NCKAP5: variants seen among roughly 807,000 people sequenced by gnomAD.
NCKAP5 encodes NCK associated protein 5.
A neutral mutation model predicts 167.0 loss-of-function variants in NCKAP5; 92 were observed. The ratio of observed to expected loss-of-function variants is 0.55; its 90% CI spans 0.47 to 0.66. The LOEUF (loss-of-function observed/expected upper bound fraction) is 0.66, where lower values mean the gene tolerates loss of function less well. Among genes scored for constraint, NCKAP5 ranks in the 30% least tolerant of loss-of-function variants. The pLI is 0.00. For missense variants in NCKAP5, 2,378 were observed against 2,315.0 expected (o/e 1.03, Z -0.56); for synonymous variants, 891 against 877.4 (o/e 1.02, Z -0.27).
chr2:133,499,078 T>G (rs1005918988), intron 3 of NCKAP5, among the ~76,000 whole-genome samples: 5 of 152,208 alleles, frequency 3.3e-5, no homozygotes, highest in Non-Finnish European at 5.9e-5. Flanking sequence ...TATGTAATAC[T>G]GTGAAGTTAC....
the NCKAP5 span, among the ~76,000 whole-genome samples, chr2:133,623,229 A>G: frequency 6.6e-6 from 1 of 152,248 alleles, no homozygotes; most frequent in African/African-American, 2.4e-5. Flanking sequence ...ACTCTTCTAG[A>G]CATTGGCTTA....
intron 4 of NCKAP5, among the ~76,000 whole-genome samples, chr2:133,245,516 T>C (rs1033260421): frequency 2.0e-5 from 3 of 152,184 alleles, no homozygotes; most frequent in African/African-American, 7.2e-5. Context: ...GAGTGAATTC[T>C]TGGATTCTTT....
chr2:133,352,610 GAC>G (rs1363815898), intron 3 of NCKAP5, among the ~76,000 whole-genome samples: 65 of 152,212 alleles, frequency 4.3e-4, no homozygotes, highest in African/African-American at 1.5e-3. Context: ...CCTGACATTA[GAC>G]TTGCTGAGTG....
chr2:133,465,879 G>C lies in NCKAP5; in HGVS notation c.69+51579C>G, dbSNP rs1288338682. Among the ~76,000 whole-genome samples the C allele has an allele frequency of 3.6e-3, 527 of 145,524 alleles. 2 individuals are homozygous for C. The highest frequency in any genetic ancestry group is 0.011 in the African/African-American group (420 of 39,518). On this transcript the variant is annotated intron_variant, in intron 3 of 19. Coordinates refer to ENST00000409261, the MANE Select transcript of NCKAP5 (RefSeq NM_207363.3). ...TTGTTTGTTTTTTTCTTGTAAATTT[G>C]TTTGAGTTCATTGTAGATTCTGGAT...
chr2:133,255,332 T>G (rs1036003089), intron 4 of NCKAP5, among the ~76,000 whole-genome samples: 5 of 152,158 alleles, frequency 3.3e-5, no homozygotes, highest in Admixed American at 6.5e-5. Context: ...CTTTTAAAAA[T>G]GCAAAATAAA....
At chr2:132,756,056 C>T (rs57998984) in intron 16 of NCKAP5, among the ~76,000 whole-genome samples, 12,880 of 151,902 alleles carry the variant, frequency 0.085, 619 homozygotes, top group East Asian at 0.13. Flanking sequence ...CAGGAACTTG[C>T]TCAGTTCCTT....
At chr2:133,331,217 A>G (rs1464492494) in intron 3 of NCKAP5, among the ~76,000 whole-genome samples, 1 of 152,178 alleles carries the variant, frequency 6.6e-6, no homozygotes, top group African/African-American at 2.4e-5. Flanking sequence ...ATAAATATTT[A>G]TACTCCTTTT....
chr2:132,920,793 A>ATGTATGTATG (rs1558943484), intron 8 of NCKAP5, among the ~76,000 whole-genome samples: 1 of 91,230 alleles, frequency 1.1e-5, no homozygotes, highest in South Asian at 3.6e-4. Flanking sequence ...ATATATATAT[A>ATGTATGTATG]TATATATATA....
At chr2:133,062,939 C>T (rs1393370669) in intron 6 of NCKAP5, among the ~76,000 whole-genome samples, 1 of 152,272 alleles carries the variant, frequency 6.6e-6, no homozygotes, top group Non-Finnish European at 1.5e-5. Flanking sequence ...GCCTAAATTA[C>T]AGCATAAGGA....
At chr2:132,729,038 G>A (rs1226932304) in intron 17 of NCKAP5, 86 bp from the exon 18 acceptor site, 4 of 1,550,310 alleles carry the variant, frequency 2.6e-6, no homozygotes, top group Middle Eastern at 1.7e-4. Context: ...GAGACATTCA[G>A]AAATAATAAA....
upstream of NCKAP5, among the ~76,000 whole-genome samples, chr2:133,570,498 G>A (rs1688824721): frequency 6.6e-6 from 1 of 152,092 alleles, no homozygotes; most frequent in Non-Finnish European, 1.5e-5. Context: ...TTGAGAAGAG[G>A]AAGACACAAG....
intron 3 of NCKAP5, among the ~76,000 whole-genome samples, chr2:133,358,220 T>C (rs1325773418): frequency 1.3e-5 from 2 of 152,242 alleles, no homozygotes; most frequent in African/African-American, 4.8e-5. Context: ...CACCTCTTTA[T>C]GGTTATCTTT....
chr2:133,609,535 C>T, the NCKAP5 span, among the ~76,000 whole-genome samples: 1 of 152,106 alleles, frequency 6.6e-6, no homozygotes, highest in East Asian at 1.9e-4. Flanking sequence ...ATAAGCCATA[C>T]TCTCACCCGA....
chr2:132,730,482 G>A (rs1419143314), intron 17 of NCKAP5, among the ~76,000 whole-genome samples: 1 of 152,154 alleles, frequency 6.6e-6, no homozygotes, highest in East Asian at 1.9e-4. Context: ...GCGACGGAGT[G>A]AGACTCCATC....
In NCKAP5 at chr2:132,773,837, C is replaced by T; in HGVS notation, c.5107G>A (p.Val1703Ile). The T allele has an allele frequency of 6.2e-7, 1 of 1,611,130 alleles. No homozygotes were observed. The highest frequency in any genetic ancestry group is 8.5e-7 in the Non-Finnish European group (1 of 1,178,970). Reference sequence around the variant, plus strand: ...TTACCTATGATGTGGCTCTGAAATACAGAATCTGCAACTGCATCGTCTTCA... The same window carrying T: ...TTACCTATGATGTGGCTCTGAAATATAGAATCTGCAACTGCATCGTCTTCA... ...EDEDDAVADSVFQSHIIESNC... is the reference protein window; with the variant it reads ...EDEDDAVADSIFQSHIIESNC... Residue 1703 changes from valine to isoleucine, a missense_variant, in exon 16 of 20, where the codon GTA becomes ATA. Transcript: ENST00000409261.
intron 5 of NCKAP5, among the ~76,000 whole-genome samples, chr2:133,162,766 G>C (rs2083849733): frequency 6.6e-6 from 1 of 151,922 alleles, no homozygotes; most frequent in South Asian, 2.1e-4. Context: ...AGACAATTCA[G>C]GAAACTGAGA....
chr2:132,901,582 A>C (rs562325918), intron 8 of NCKAP5, among the ~76,000 whole-genome samples: 1 of 152,338 alleles, frequency 6.6e-6, no homozygotes, highest in East Asian at 1.9e-4. Context: ...AAACGCATTA[A>C]GTAAACAATG....
chr2:133,190,894 T>G (rs1460715517), intron 5 of NCKAP5, among the ~76,000 whole-genome samples: 1 of 152,028 alleles, frequency 6.6e-6, no homozygotes, highest in African/African-American at 2.4e-5. Context: ...CCAAAAGCAA[T>G]GGCAACAAAA....
At chr2:133,245,372 A>C (rs905504336) in intron 4 of NCKAP5, among the ~76,000 whole-genome samples, 1 of 152,236 alleles carries the variant, frequency 6.6e-6, no homozygotes, top group African/African-American at 2.4e-5. Flanking sequence ...ACAGCGAGAA[A>C]AAAACAAACC....
Sources: allele counts gnomAD v4.1 joint callset (sites outside exome capture counted in the v4.1 genomes callset), GRCh38; gene constraint gnomAD v4.1.1; transcripts MANE v1.5; gene names NCBI Gene and HGNC (gene_info 2026-07-23, HGNC 2026-07-21).